Variants in PIKFYVE observed in about 807,000 individuals in gnomAD.
The protein encoded by PIKFYVE is phosphoinositide kinase, FYVE-type zinc finger containing.
In PIKFYVE, 122 loss-of-function variants were observed where a neutral mutation model predicts 257.9. That is an observed-to-expected ratio of 0.47 (90% CI 0.41 to 0.55). The LOEUF (loss-of-function observed/expected upper bound fraction) is 0.55, where lower values mean the gene tolerates loss of function less well. PIKFYVE is among the 20% of genes least tolerant of loss of function. The probability of loss-of-function intolerance (pLI) is 0.00; values close to 1 mark genes in which losing one functional copy is unlikely to be tolerated. For synonymous variants in PIKFYVE, 892 were observed against 868.9 expected (o/e 1.03, Z -0.47); for missense variants, 2,160 against 2,536.6 (o/e 0.85, Z 3.19).
At chr2:208,346,236 A>G (rs1412177426) in intron 34 of PIKFYVE, 89 bp downstream of exon 34, 2 of 1,052,804 alleles carry the variant, frequency 1.9e-6, no homozygotes, top group Non-Finnish European at 2.9e-6. Context: ...AATAAGTACT[A>G]TCTGGCAATG....
At chr2:208,310,090 T>G (rs953576987) in intron 12 of PIKFYVE, among the ~76,000 whole-genome samples, 9 of 152,212 alleles carry the variant, frequency 5.9e-5, no homozygotes, top group Non-Finnish European at 2.9e-5. Context: ...CTTTTTACAT[T>G]TTTTCTTGTG....
chr2:208,355,065 C>T, intron 41 of PIKFYVE, 125 bp from the exon 42 acceptor site: 2 of 767,518 alleles, frequency 2.6e-6, no homozygotes, highest in Non-Finnish European at 4.6e-6. Context: ...CTTTCCTGCC[C>T]ACTCAGACTG....
At chr2:208,267,372 C>CCCTTTTTCTG (rs1446084409) in intron 1 of PIKFYVE, among the ~76,000 whole-genome samples, 1 of 152,106 alleles carries the variant, frequency 6.6e-6, no homozygotes, top group African/African-American at 2.4e-5. Context: ...CCTGTGTTCT[C>CCCTTTTTCTG]CCTTTTTCTG....
chr2:208,312,068 A>G (rs1487518349), intron 12 of PIKFYVE, among the ~76,000 whole-genome samples, 168 bp from the exon 13 acceptor site: 1 of 152,230 alleles, frequency 6.6e-6, no homozygotes, highest in African/African-American at 2.4e-5. Flanking sequence ...TAGAACAAGT[A>G]TAAAGAGGCA....
At position 208,320,228 on chromosome 2, in the gene PIKFYVE, TAACA is replaced by T. The variant is rs752451669; in HGVS notation, c.2083-20_2083-17del. 10 of 1,607,882 alleles carry T rather than the reference TAACA, an allele frequency of 6.2e-6. No individual in the cohort carries two copies. The African/African-American group carries it at 9.4e-5, about 15-fold the overall frequency. On this transcript the variant is annotated intron_variant, in intron 16 of 41. Transcript: ENST00000264380. ...GTAAAATGCAAACCTTTAAACACTT[TAACA>T]AACTGTTCATTTTTTGTAGATGAGT...
Position 208,330,696 on chromosome 2 carries a change from T to C in PIKFYVE, c.3963+2T>C. ...TCCTGGTGTAGAATCTGCAAACAGG[T>C]AAATAGACCCTATTACTATATTTTG... On this transcript the variant is annotated splice_donor_variant, in intron 23 of 41. Transcript: ENST00000264380. LOFTEE classifies it high-confidence loss of function. 1 of 1,612,040 alleles carries C rather than the reference T, an allele frequency of 6.2e-7. No individual in the cohort carries two copies. The highest frequency in any genetic ancestry group is 8.5e-7 in the Non-Finnish European group (1 of 1,178,362).
In PIKFYVE at chr2:208,287,270, C is replaced by CT. The variant is rs56178613; in HGVS notation, c.821+1353dup. ...CAGTGGTAGTGTACTTTTTCTTTTT[C>CT]TTTTTTTTTTTTTTTTGAGACAGAG... On this transcript the variant is annotated intron_variant, in intron 6 of 41. Transcript: ENST00000264380. 2.6e-3 allele frequency among the ~76,000 whole-genome samples: 347 copies of CT among 135,042 alleles called. 1 individual carries two copies. The highest frequency in any genetic ancestry group is 8.6e-3 in the African/African-American group (320 of 37,294). 88.6% of individuals were successfully genotyped at this position (135,042 alleles called of 152,430 possible). A position where few individuals can be genotyped will look rare whatever the true frequency, so the allele number is the denominator to read the frequency against.
intron 16 of PIKFYVE, among the ~76,000 whole-genome samples, chr2:208,318,811 C>T (rs904889896): frequency 3.3e-5 from 5 of 152,036 alleles, no homozygotes; most frequent in Admixed American, 1.3e-4. Context: ...AGTTAGCCGG[C>T]GTGGTGGCGT....
At chr2:208,268,830 TAA>T (rs1342723705) in intron 1 of PIKFYVE, among the ~76,000 whole-genome samples, 2 of 152,096 alleles carry the variant, frequency 1.3e-5, no homozygotes, top group East Asian at 1.9e-4. Flanking sequence ...AAATTCTGTT[TAA>T]GTCAGTGGTT....
intron 5 of PIKFYVE, among the ~76,000 whole-genome samples, chr2:208,284,461 A>G (rs1324740079): frequency 1.3e-5 from 2 of 152,070 alleles, no homozygotes; most frequent in African/African-American, 2.4e-5. Flanking sequence ...GGGTTTCACC[A>G]TGTTGGCCAG....
chr2:208,304,426 C>A, intron 11 of PIKFYVE, 108 bp downstream of exon 11: 1 of 1,415,436 alleles, frequency 7.1e-7, no homozygotes, highest in Non-Finnish European at 9.8e-7. Flanking sequence ...ATTTATGGCT[C>A]CAACTAAATG....
intron 10 of PIKFYVE, among the ~76,000 whole-genome samples, chr2:208,303,036 T>C (rs1050285818): frequency 5.3e-5 from 8 of 152,032 alleles, no homozygotes; most frequent in African/African-American, 1.9e-4. Context: ...GAGCCGAGAT[T>C]GCGCCACTGC....
intron 5 of PIKFYVE, among the ~76,000 whole-genome samples, chr2:208,278,158 G>GA (rs1432140959): frequency 6.6e-6 from 1 of 152,106 alleles, no homozygotes; most frequent in Non-Finnish European, 1.5e-5. Flanking sequence ...TCTTGAAACA[G>GA]AAAAAACTGA....
intron 5 of PIKFYVE, among the ~76,000 whole-genome samples, chr2:208,279,275 G>A (rs953450118): frequency 1.3e-5 from 2 of 151,862 alleles, no homozygotes; most frequent in African/African-American, 2.4e-5. Context: ...GTTGAATTAC[G>A]TTTCTTATAT....
intron 29 of PIKFYVE, among the ~76,000 whole-genome samples, chr2:208,338,801 A>G (rs111736655): frequency 0.016 from 2,491 of 152,336 alleles, 33 homozygotes; most frequent in Non-Finnish European, 0.024. Context: ...CTATTAGGGG[A>G]AGAAAAAACA....
rs1700302905 is a variant in PIKFYVE at position 208,358,683 on chromosome 2, T to A, written c.*3378T>A. 6.6e-6 allele frequency: 1 copy of A among 152,660 alleles called. No homozygotes were observed. The highest frequency in any genetic ancestry group is 2.1e-4 in the South Asian group (1 of 4,828). The allele number at this position is 152,660 out of a possible 1,614,324, so 9.5% of individuals were successfully genotyped here. A position where few individuals can be genotyped will look rare whatever the true frequency, so the allele number is the denominator to read the frequency against. ...ACATGTTATTTAAAAGATAACTGCC[T>A]TGAACTTTTGGAGACTTGTACTGTA... On this transcript the variant is annotated 3_prime_UTR_variant, in exon 42 of 42. Transcript: ENST00000264380.
At chr2:208,323,143 G>A (rs1471419227) in intron 17 of PIKFYVE, among the ~76,000 whole-genome samples, 1 of 148,798 alleles carries the variant, frequency 6.7e-6, no homozygotes, top group African/African-American at 2.5e-5. Flanking sequence ...AAGTTTTAGG[G>A]TACATGTGCA....
At chr2:208,296,186 A>G (rs1470479725) in intron 7 of PIKFYVE, among the ~76,000 whole-genome samples, 1 of 152,042 alleles carries the variant, frequency 6.6e-6, no homozygotes, top group Non-Finnish European at 1.5e-5. Flanking sequence ...TGTATTTTTA[A>G]TAGAGACAGA....
rs377539776 is a variant in PIKFYVE at position 208,273,569 on chromosome 2, G to C, written c.173-15G>C. On this transcript the variant is annotated splice_polypyrimidine_tract_variant and intron_variant, in intron 2 of 41. Coordinates refer to ENST00000264380, the MANE Select transcript of PIKFYVE (RefSeq NM_015040.4). ...TCTCAGTCTTTAAATAATGCCAAGC[G>C]TTCCCTTGCTACAGAGAGAGCAGAA... 4 of 1,614,008 alleles carry C rather than the reference G, an allele frequency of 2.5e-6. No individual in the cohort carries two copies. The highest frequency in any genetic ancestry group is 4.5e-5 in the East Asian group (2 of 44,890).
Sources: allele counts gnomAD v4.1 joint callset (sites outside exome capture counted in the v4.1 genomes callset), GRCh38; gene constraint gnomAD v4.1.1; transcripts MANE v1.5; gene names NCBI Gene and HGNC (gene_info 2026-07-23, HGNC 2026-07-21).